SCOC: variants seen among roughly 807,000 people sequenced by gnomAD.
The protein encoded by SCOC is short coiled coil protein.
Under a neutral mutation model 9.9 loss-of-function variants are expected in SCOC, and 7 were observed. That is an observed-to-expected ratio of 0.71 (90% CI 0.40 to 1.33). SCOC has a LOEUF of 1.33. Among genes scored for constraint, SCOC ranks in the 40% most tolerant of loss-of-function variants. The pLI, the probability that SCOC is intolerant of heterozygous loss-of-function variation, is 0.01. For missense variants in SCOC, 66 were observed against 89.7 expected (o/e 0.74, Z 1.07); for synonymous variants, 19 against 28.2 (o/e 0.67, Z 1.03).
At chr4:140,351,612 C>T (rs771334092) in intron 2 of SCOC, among the ~76,000 whole-genome samples, 95 of 151,976 alleles carry the variant, frequency 6.3e-4, no homozygotes, top group Non-Finnish European at 1.2e-3. Context: ...TGCTTTTATT[C>T]AGTGATGCTT....
chr4:140,365,202 G>A (rs1727738965), intron 2 of SCOC, among the ~76,000 whole-genome samples: 1 of 151,280 alleles, frequency 6.6e-6, no homozygotes, highest in Admixed American at 6.6e-5. Flanking sequence ...AAAGTGAAGG[G>A]TTTCAAGATC....
chr4:140,379,307 A>G, intron 2 of SCOC, 115 bp downstream of exon 2: 1 of 790,780 alleles, frequency 1.3e-6, no homozygotes, highest in Non-Finnish European at 2.2e-6. Flanking sequence ...TTGGCTAATT[A>G]CTTATTTATA....
At chr4:140,322,588 C>T (rs1018268394) in intron 1 of SCOC, among the ~76,000 whole-genome samples, 2 of 152,224 alleles carry the variant, frequency 1.3e-5, no homozygotes, top group Admixed American at 1.3e-4. Context: ...ATGTGATGAA[C>T]TAGGATATTT....
Position 140,277,938 on chromosome 4 carries a change from ACTT to A in SCOC, c.-19+20531_-19+20533del, listed in dbSNP as rs1396253471. 7.2e-5 allele frequency among the ~76,000 whole-genome samples: 11 copies of A among 152,340 alleles called. 1 individual carries two copies. The East Asian group carries it at 2.1e-3, about 29-fold the overall frequency. ...AAAATAAGAAAACAAAGGTGGCAAA[ACTT>A]CTAGCAAAAGCAAATCTTTGCCATA... On this transcript the variant is annotated intron_variant, in intron 1 of 4. Coordinates refer to the SCOC transcript ENST00000394205.
Position 140,380,962 on chromosome 4 carries a change from ATC to A in SCOC, c.113_114del (p.Ser38CysfsTer7). 1 of 1,554,826 alleles carries A rather than the reference ATC, an allele frequency of 6.4e-7. No homozygotes were observed. On this transcript the variant is annotated frameshift_variant and splice_region_variant, in exon 4 of 4. Coordinates refer to ENST00000608372, the MANE Select transcript of SCOC (RefSeq NM_001153484.2). LOFTEE classifies it high-confidence loss of function. The stretch of plus-strand genomic sequence containing the variant: ...ATGGGCATTTTTATTTTTTATATAG[ATC>A]TCTCTGCAAGAGTAGATGCAGTTAA...
chr4:140,260,113 C>G (rs1730598872), intron 1 of SCOC, among the ~76,000 whole-genome samples: 1 of 152,152 alleles, frequency 6.6e-6, no homozygotes, highest in Non-Finnish European at 1.5e-5. Context: ...GACATTTTCC[C>G]TAGTGTTTTG....
intron 1 of SCOC, among the ~76,000 whole-genome samples, chr4:140,321,098 G>A (rs1426321830): frequency 1.3e-5 from 2 of 152,188 alleles, no homozygotes; most frequent in African/African-American, 2.4e-5. Flanking sequence ...ATCACTAGGG[G>A]AGTTTAAAGC....
chr4:140,360,778 C>T (rs1487203740), intron 2 of SCOC: 2 of 152,126 alleles, frequency 1.3e-5, no homozygotes, highest in Non-Finnish European at 2.9e-5. Flanking sequence ...CAGTTACTAC[C>T]CTCAAGGGAT....
intron 2 of SCOC, among the ~76,000 whole-genome samples, chr4:140,349,126 C>G (rs755967556): frequency 6.6e-6 from 1 of 152,196 alleles, no homozygotes; most frequent in Non-Finnish European, 1.5e-5. Context: ...CCTCTTAACT[C>G]TGCAGTAAGA....
intron 2 of SCOC, among the ~76,000 whole-genome samples, chr4:140,344,314 T>TGGGTGTGTGTG (rs1726624454): frequency 6.6e-6 from 1 of 152,094 alleles, no homozygotes; most frequent in South Asian, 2.1e-4. Flanking sequence ...CCCAAGTCCT[T>TGGGTGTGTGTG]GGGTGTGTGT....
chr4:140,303,125 C>T (rs1410716117), intron 1 of SCOC, among the ~76,000 whole-genome samples: 1 of 152,048 alleles, frequency 6.6e-6, no homozygotes, highest in Non-Finnish European at 1.5e-5. Flanking sequence ...TATTATTGCC[C>T]TTCACCTAGA....
chr4:140,305,267 C>A (rs2126458640), intron 1 of SCOC, among the ~76,000 whole-genome samples: 1 of 152,288 alleles, frequency 6.6e-6, no homozygotes, highest in South Asian at 2.1e-4. Flanking sequence ...AGAAGGCATG[C>A]CGTCTTGACA....
intron 2 of SCOC, among the ~76,000 whole-genome samples, chr4:140,344,632 G>A (rs913836060): frequency 2.0e-5 from 3 of 152,168 alleles, no homozygotes; most frequent in African/African-American, 4.8e-5. Flanking sequence ...GGAAATCAAA[G>A]AGGAGTATTT....
In SCOC at chr4:140,382,593, AT is replaced by A. The variant is rs1195838852; in HGVS notation, c.*1492del. The A allele has an allele frequency of 6.6e-6, 1 of 152,620 alleles. No individual in the cohort carries two copies. The highest frequency in any genetic ancestry group is 1.9e-4 in the East Asian group (1 of 5,196). The allele number at this position is 152,620 out of a possible 1,614,324, so 9.5% of individuals were successfully genotyped here. ...ATATAGTTGCCTAAGTAAATGGGGT[AT>A]TTAGGTATAGTGGTGTATCCAGGGT... On this transcript the variant is annotated 3_prime_UTR_variant, in exon 4 of 4. Coordinates refer to ENST00000608372, the MANE Select transcript of SCOC (RefSeq NM_001153484.2).
At chr4:140,274,201 C>T (rs752968161) in intron 1 of SCOC, among the ~76,000 whole-genome samples, 9 of 152,144 alleles carry the variant, frequency 5.9e-5, no homozygotes, top group Non-Finnish European at 1.3e-4. Flanking sequence ...TGAGTAATTA[C>T]AAGCAGGCAT....
intron 1 of SCOC, among the ~76,000 whole-genome samples, chr4:140,264,530 G>A (rs1012134557): frequency 6.6e-6 from 1 of 152,150 alleles, no homozygotes; most frequent in Non-Finnish European, 1.5e-5. Flanking sequence ...GACTAGCTGA[G>A]AAACACTTGA....
At chr4:140,349,571 C>G (rs1234510106) in intron 2 of SCOC, among the ~76,000 whole-genome samples, 2 of 152,264 alleles carry the variant, frequency 1.3e-5, no homozygotes, top group Admixed American at 6.5e-5. Context: ...CCTTCTCCCC[C>G]CAATCTATTC....
rs1026046930 is a variant in SCOC at position 140,366,913 on chromosome 4, T to C, written c.71-12208T>C. On this transcript the variant is annotated intron_variant, in intron 2 of 4. Transcript: ENST00000338517. ...AGGCCAGGTGCATTCTTTTATAAAATATTAGTTATTGACCAGGCGTGGTGG... is the reference window on the plus strand; with the variant it reads ...AGGCCAGGTGCATTCTTTTATAAAACATTAGTTATTGACCAGGCGTGGTGG... 6 of 617,416 alleles carry C rather than the reference T, an allele frequency of 9.7e-6. No individual in the cohort carries two copies. The Admixed American group carries it at 1.3e-4, about 13-fold the overall frequency. 38.2% of individuals were successfully genotyped at this position (617,416 alleles called of 1,614,324 possible). A position where few individuals can be genotyped will look rare whatever the true frequency, so the allele number is the denominator to read the frequency against.
chr4:140,378,540 G>A (rs1316855310), intron 1 of SCOC, among the ~76,000 whole-genome samples: 2 of 151,982 alleles, frequency 1.3e-5, no homozygotes, highest in Non-Finnish European at 2.9e-5. Context: ...TACAGACTGG[G>A]CAACTTGGCA....
Sources: allele counts gnomAD v4.1 joint callset (sites outside exome capture counted in the v4.1 genomes callset), GRCh38; gene constraint gnomAD v4.1.1; transcripts MANE v1.5; gene names NCBI Gene and HGNC (gene_info 2026-07-23, HGNC 2026-07-21).